Variants in TMEM26 observed in about 807,000 individuals in gnomAD.
TMEM26 encodes transmembrane protein 26.
Under a neutral mutation model 28.8 loss-of-function variants are expected in TMEM26, and 38 were observed. The ratio of observed to expected loss-of-function variants is 1.32; its 90% CI spans 1.02 to 1.73. The LOEUF (loss-of-function observed/expected upper bound fraction) is 1.73. Ranked by LOEUF, TMEM26 falls within the 40% of genes most tolerant of loss-of-function variation. TMEM26 has a pLI of 0.00. For missense variants in TMEM26, 518 were observed against 447.1 expected, an observed-to-expected ratio of 1.16 and a Z score of -1.43; for synonymous variants, 227 against 182.9, an observed-to-expected ratio of 1.24 and a Z score of -1.95.
At chr10:61,420,645 A>G (rs1307262528) in intron 4 of TMEM26, among the ~76,000 whole-genome samples, 1 of 152,008 alleles carries the variant, frequency 6.6e-6, no homozygotes, top group Non-Finnish European at 1.5e-5. Flanking sequence ...ATATATATGA[A>G]AAACCTGTCA....
intron 1 of TMEM26, among the ~76,000 whole-genome samples, chr10:61,437,357 G>A (rs984977177): frequency 3.3e-5 from 5 of 152,148 alleles, no homozygotes; most frequent in South Asian, 2.1e-4. Flanking sequence ...TTTACTTCCC[G>A]TAAAGCAGTG....
intron 1 of TMEM26, among the ~76,000 whole-genome samples, chr10:61,439,586 A>C (rs898337759): frequency 1.3e-5 from 2 of 152,234 alleles, no homozygotes; most frequent in Non-Finnish European, 2.9e-5. Context: ...GAGACCCTGT[A>C]TAAATTTCAG....
intron 1 of TMEM26, among the ~76,000 whole-genome samples, chr10:61,449,830 C>T (rs1589047988): frequency 1.3e-5 from 2 of 151,870 alleles, no homozygotes; most frequent in East Asian, 3.9e-4. Flanking sequence ...CTCCTCATTT[C>T]AACTTGTAGA....
Position 61,410,344 on chromosome 10 carries a change from T to C in TMEM26, c.1085A>G (p.Asp362Gly). 1.9e-6 allele frequency: 3 copies of C among 1,613,048 alleles called. No individual in the cohort carries two copies. Among genetic ancestry groups the C allele is most frequent in the Non-Finnish European group, 2.5e-6 (3 of 1,179,280 alleles). ...TAACTAAGGGGTGTGGTGGGAGTCG[T>C]CGGAGGTGACTGGGGAGCCCCGCAA... The part of the protein sequence containing the change: ...IPLRGSPVTS[D>G]DSHHTP The change falls in exon 6 of 6, where the codon GAC becomes GGC. Residue 362 changes from aspartate to glycine, a missense_variant. Asp to Gly is a moderately conservative substitution (Grantham distance 94, BLOSUM62 -1). Transcript: ENST00000399298.
chr10:61,409,248 G>C lies in TMEM26; in HGVS notation c.*1074C>G, dbSNP rs779950599. ...AAGTCTTAATGCAAGAAAATAAAGC[G>C]AATTGCCTGATTCCCACAACGGGGT... On this transcript the variant is annotated 3_prime_UTR_variant, in exon 6 of 6. Transcript: ENST00000399298. The C allele has an allele frequency of 1.3e-5, 2 of 152,128 alleles. No individual in the cohort carries two copies. The highest frequency in any genetic ancestry group is 4.8e-5 in the African/African-American group (2 of 41,424). The allele number at this position is 152,128 out of a possible 1,614,324, so 9.4% of individuals were successfully genotyped here.
chr10:61,416,351 G>A (rs900230048), intron 4 of TMEM26, among the ~76,000 whole-genome samples: 6 of 152,036 alleles, frequency 3.9e-5, no homozygotes, highest in African/African-American at 1.4e-4. Flanking sequence ...TAAAGAAATA[G>A]GATGTGAGAT....
intron 4 of TMEM26, among the ~76,000 whole-genome samples, chr10:61,417,105 T>C (rs1313192180): frequency 2.0e-5 from 3 of 152,038 alleles, no homozygotes; most frequent in African/African-American, 4.8e-5. Context: ...AAATAAATCA[T>C]GGAGATTAAT....
At chr10:61,430,169 A>C (rs1425208005) in intron 3 of TMEM26, among the ~76,000 whole-genome samples, 1 of 152,050 alleles carries the variant, frequency 6.6e-6, no homozygotes, top group Non-Finnish European at 1.5e-5. Flanking sequence ...TCAGATGAAA[A>C]ACTGAGAGAG....
rs560491779 is a variant in TMEM26, at chr10:61,419,568, C to T, written c.606-6033G>A. Among the ~76,000 whole-genome samples, 11 of 152,134 alleles carry T rather than the reference C, an allele frequency of 7.2e-5. No individual in the cohort carries two copies. In the Middle Eastern group the frequency reaches 0.017, roughly 235 times the overall value. ...AGATGAACTCTACAATTGGACTCTA[C>T]ATCTGGATTTGAGATGGCAGAAAAA... On this transcript the variant is annotated intron_variant, in intron 4 of 5. Transcript: ENST00000399298.
rs1840147735 is a variant in TMEM26, at chr10:61,444,557, A to G, written c.192-8309T>C. On this transcript the variant is annotated intron_variant, in intron 1 of 5. Coordinates refer to ENST00000399298, the MANE Select transcript of TMEM26 (RefSeq NM_178505.8). ...GTGCAAGAGTGTATCTGAGCCAGAC[A>G]CTCTTGTATGTAGTGTGGACTTCCC... Among the ~76,000 whole-genome samples the G allele has an allele frequency of 3.3e-5, 5 of 150,554 alleles. No individual in the cohort carries two copies. In the South Asian group the frequency reaches 1.0e-3, roughly 32 times the overall value.
intron 4 of TMEM26, among the ~76,000 whole-genome samples, chr10:61,417,530 A>G (rs1839673713): frequency 6.6e-6 from 1 of 151,802 alleles, no homozygotes; most frequent in South Asian, 2.1e-4. Flanking sequence ...GAAGAAAAAA[A>G]TGAAGTATTA....
At chr10:61,426,667 A>T (rs955550600) in intron 4 of TMEM26, among the ~76,000 whole-genome samples, 2 of 152,108 alleles carry the variant, frequency 1.3e-5, no homozygotes, top group African/African-American at 2.4e-5. Context: ...CATTAGAAAA[A>T]GTAAAATGTC....
intron 2 of TMEM26, among the ~76,000 whole-genome samples, chr10:61,433,231 G>T (rs1333509143): frequency 6.6e-6 from 1 of 152,096 alleles, no homozygotes; most frequent in East Asian, 1.9e-4. Flanking sequence ...CTCCGCTCTT[G>T]TTATTCTATT....
chr10:61,412,355 AT>A (rs1839581357), intron 5 of TMEM26, among the ~76,000 whole-genome samples: 1 of 152,054 alleles, frequency 6.6e-6, no homozygotes, highest in African/African-American at 2.4e-5. Flanking sequence ...TCTATTCCAA[AT>A]TGTTAATAAT....
chr10:61,442,055 T>C (rs1243716769), intron 1 of TMEM26, among the ~76,000 whole-genome samples: 1 of 148,360 alleles, frequency 6.7e-6, no homozygotes. Flanking sequence ...TATTTGTTTA[T>C]GAAATATGTA....
In TMEM26 at chr10:61,410,080, A is replaced by T; in HGVS notation, c.*242T>A. ...TCAAACAGTTCAAGACAAACAAATC[A>T]CTTAGTCGTTGAACAACTATAACAT... On this transcript the variant is annotated 3_prime_UTR_variant, in exon 6 of 6. Transcript: ENST00000399298. 1.9e-6 allele frequency: 1 copy of T among 537,716 alleles called. No homozygotes were observed. The highest frequency in any genetic ancestry group is 3.3e-6 in the Non-Finnish European group (1 of 303,214). The allele number at this position is 537,716 out of a possible 1,614,324, so 33.3% of individuals were successfully genotyped here. A position where few individuals can be genotyped will look rare whatever the true frequency, so the allele number is the denominator to read the frequency against.
intron 4 of TMEM26, among the ~76,000 whole-genome samples, chr10:61,427,131 A>C (rs535509206): frequency 6.6e-6 from 1 of 152,216 alleles, no homozygotes; most frequent in Admixed American, 6.6e-5. Context: ...TTAACCAATA[A>C]AAACTATGAC....
chr10:61,423,045 C>T (rs1379331403), intron 4 of TMEM26, among the ~76,000 whole-genome samples: 2 of 152,062 alleles, frequency 1.3e-5, no homozygotes, highest in African/African-American at 4.8e-5. Context: ...CAGAAATTAA[C>T]ACATGTATAG....
chr10:61,412,877 T>G lies in TMEM26; in HGVS notation c.682+582A>C, dbSNP rs994970514. The G allele has an allele frequency of 6.6e-6, 8 of 1,219,098 alleles. No homozygotes were observed. The African/African-American group carries it at 7.9e-5, about 12-fold the overall frequency. 75.5% of individuals were successfully genotyped at this position (1,219,098 alleles called of 1,614,324 possible). A position where few individuals can be genotyped will look rare whatever the true frequency, so the allele number is the denominator to read the frequency against. On this transcript the variant is annotated intron_variant, in intron 5 of 5. Coordinates refer to ENST00000399298, the MANE Select transcript of TMEM26 (RefSeq NM_178505.8). Reference sequence around the variant, plus strand: ...AGTATAAAATGCCTGGGAAACAGATTACTTCTTGCAAAATCTTAGGGGTTT... The same window carrying G: ...AGTATAAAATGCCTGGGAAACAGATGACTTCTTGCAAAATCTTAGGGGTTT...
Sources: allele counts gnomAD v4.1 joint callset (sites outside exome capture counted in the v4.1 genomes callset), GRCh38; gene constraint gnomAD v4.1.1; transcripts MANE v1.5; gene names NCBI Gene and HGNC (gene_info 2026-07-23, HGNC 2026-07-21).